The following CDH12 variants were observed in gnomAD, a reference collection of about 807,000 sequenced individuals.
CDH12 encodes the protein cadherin-12.
A neutral mutation model predicts 74.1 loss-of-function variants in CDH12; 41 were observed. The ratio of observed to expected loss-of-function variants is 0.55; its 90% confidence interval spans 0.43 to 0.72. The LOEUF is 0.72. Among genes scored for constraint, CDH12 ranks in the 30% least tolerant of loss-of-function variants. The pLI is 0.00. For synonymous variants in CDH12, 399 were observed against 355.0 expected (o/e 1.12, Z -1.39); for missense variants, 945 against 977.2 (o/e 0.97, Z 0.44).
intron 2 of CDH12, among the ~76,000 whole-genome samples, chr5:22,478,707 C>T (rs945390405): frequency 1.1e-4 from 16 of 151,576 alleles, no homozygotes; most frequent in African/African-American, 3.9e-4. Flanking sequence ...GAAAAAAGCC[C>T]CATCATTTGT....
At chr5:22,208,410 G>A (rs977424586) in intron 4 of CDH12, among the ~76,000 whole-genome samples, 1 of 152,022 alleles carries the variant, frequency 6.6e-6, no homozygotes, top group Non-Finnish European at 1.5e-5. Context: ...TAGCTATTAG[G>A]GTAATTTAGA....
intron 4 of CDH12, among the ~76,000 whole-genome samples, chr5:22,128,844 C>A (rs984096735): frequency 6.6e-6 from 1 of 152,156 alleles, no homozygotes; most frequent in Non-Finnish European, 1.5e-5. Context: ...TCTAATAAGA[C>A]AGAATATGCA....
intron 1 of CDH12, among the ~76,000 whole-genome samples, chr5:22,842,721 A>C (rs1175173118): frequency 1.3e-5 from 2 of 152,174 alleles, no homozygotes; most frequent in African/African-American, 4.8e-5. Context: ...TCAGTTAATA[A>C]TGAAAGTATT....
At chr5:22,397,135 T>C (rs2126436076) in intron 3 of CDH12, among the ~76,000 whole-genome samples, 1 of 152,226 alleles carries the variant, frequency 6.6e-6, no homozygotes, top group Middle Eastern at 3.4e-3. Context: ...GAGGCTGTTA[T>C]TAAGATGTAG....
chr5:22,283,205 G>GATATATATATATAT (rs1229134274), intron 3 of CDH12, among the ~76,000 whole-genome samples: 1 of 107,984 alleles, frequency 9.3e-6, no homozygotes, highest in African/African-American at 3.6e-5. Context: ...ACATCTGTGA[G>GATATATATATATAT]ATATATATAT....
chr5:22,099,363 T>C (rs1743999026), intron 4 of CDH12, among the ~76,000 whole-genome samples: 1 of 152,166 alleles, frequency 6.6e-6, no homozygotes, highest in Non-Finnish European at 1.5e-5. Context: ...GGACTAATGA[T>C]CTTTTAAAAA....
Position 22,059,336 on chromosome 5 carries a change from CATCTATCTATCTATCT to C in CDH12, c.231+19094_231+19109del, listed in dbSNP as rs58259827. ...ATCTATCCATCTATCGTCTATCTATCATCTATCTATCTATCTATCTATCTATCTATCTATCTATCTA... is the reference window on the plus strand; with the variant it reads ...ATCTATCCATCTATCGTCTATCTATCATCTATCTATCTATCTATCTATCTA... On this transcript the variant is annotated intron_variant, in intron 5 of 14. Transcript: ENST00000382254. 3.3e-3 allele frequency among the ~76,000 whole-genome samples: 469 copies of C among 144,142 alleles called. 9 individuals carry two copies. Among genetic ancestry groups the C allele is most frequent in the Admixed American group, 0.017 (246 of 14,184 alleles). 94.6% of individuals were successfully genotyped at this position (144,142 alleles called of 152,430 possible). A position where few individuals can be genotyped will look rare whatever the true frequency, so the allele number is the denominator to read the frequency against.
intron 3 of CDH12, among the ~76,000 whole-genome samples, chr5:22,262,445 A>G (rs1753554882): frequency 6.6e-6 from 1 of 151,884 alleles, no homozygotes; most frequent in African/African-American, 2.4e-5. Flanking sequence ...AAAGGACGTG[A>G]ACTCATTTTT....
intron 4 of CDH12, among the ~76,000 whole-genome samples, chr5:22,198,174 A>T (rs532727532): frequency 6.6e-6 from 1 of 152,326 alleles, no homozygotes; most frequent in Admixed American, 6.5e-5. Flanking sequence ...TGTAATTACC[A>T]TCTGTGTCAG....
intron 1 of CDH12, among the ~76,000 whole-genome samples, chr5:22,792,467 T>C (rs1747966646): frequency 6.6e-6 from 1 of 152,186 alleles, no homozygotes; most frequent in Non-Finnish European, 1.5e-5. Flanking sequence ...AAAACAGAAA[T>C]GTCTAACTTC....
intron 3 of CDH12, among the ~76,000 whole-genome samples, chr5:22,237,116 C>T (rs1015585491): frequency 2.0e-5 from 3 of 152,068 alleles, no homozygotes; most frequent in African/African-American, 7.3e-5. Flanking sequence ...GGACTGGCAT[C>T]ACAGTTAGTT....
chr5:21,946,194 T>C lies in CDH12; in HGVS notation c.526+28897A>G, dbSNP rs537873194. Among the ~76,000 whole-genome samples the C allele has an allele frequency of 1.1e-3, 174 of 152,118 alleles. 1 individual carries two copies. The highest frequency in any genetic ancestry group is 1.5e-4 in the Non-Finnish European group (10 of 67,996). ...ATATTCTTCAGGCATTAAAGTGACATAGAAAACATTGTCTAATGAAAGAAT... is the reference window on the plus strand; with the variant it reads ...ATATTCTTCAGGCATTAAAGTGACACAGAAAACATTGTCTAATGAAAGAAT... On this transcript the variant is annotated intron_variant, in intron 6 of 14. Transcript: ENST00000382254.
chr5:22,832,332 A>G (rs148015256), intron 1 of CDH12, among the ~76,000 whole-genome samples: 178 of 152,342 alleles, frequency 1.2e-3, no homozygotes, highest in Non-Finnish European at 2.3e-3. Context: ...ACGTTAGCCA[A>G]TATATCTGTA....
intron 4 of CDH12, among the ~76,000 whole-genome samples, chr5:22,200,471 G>A (rs1441868165): frequency 6.6e-6 from 1 of 152,138 alleles, no homozygotes; most frequent in Non-Finnish European, 1.5e-5. Flanking sequence ...ACATAGAAAA[G>A]AGCTGATTGA....
At chr5:21,831,711 CG>C (rs1443771068) in intron 8 of CDH12, among the ~76,000 whole-genome samples, 3 of 151,356 alleles carry the variant, frequency 2.0e-5, no homozygotes, top group African/African-American at 7.3e-5. Flanking sequence ...CCCTGATTCT[CG>C]GGGGATTGTC....
intron 5 of CDH12, among the ~76,000 whole-genome samples, chr5:21,985,349 A>G (rs1206077743): frequency 6.6e-6 from 1 of 152,050 alleles, no homozygotes; most frequent in Non-Finnish European, 1.5e-5. Flanking sequence ...CCTACTTAAT[A>G]CGGACATCTT....
Position 21,925,373 on chromosome 5 carries a change from T to A in CDH12, c.526+49718A>T, listed in dbSNP as rs538872588. Among the ~76,000 whole-genome samples, 13 of 152,326 alleles carry A rather than the reference T, an allele frequency of 8.5e-5. No homozygotes were observed. The East Asian group carries it at 2.1e-3, about 25-fold the overall frequency. ...TTAAGTCAATGAATAGAAAATGAGA[T>A]AAACCTCTAATTATAACTGACACAA... On this transcript the variant is annotated intron_variant, in intron 6 of 14. Coordinates refer to ENST00000382254, the MANE Select transcript of CDH12 (RefSeq NM_004061.5).
At chr5:21,927,885 C>T (rs531355781) in intron 6 of CDH12, among the ~76,000 whole-genome samples, 30 of 151,604 alleles carry the variant, frequency 2.0e-4, no homozygotes, top group Non-Finnish European at 4.0e-4. Context: ...CTGGCTAACA[C>T]GGTGAAACCC....
intron 1 of CDH12, among the ~76,000 whole-genome samples, chr5:22,593,844 T>G (rs78902417): frequency 6.6e-6 from 1 of 152,240 alleles, no homozygotes; most frequent in Non-Finnish European, 1.5e-5. Flanking sequence ...GGGTTCTTAC[T>G]CTTTGTTCTC....
Sources: gnomAD v4.1 joint callset for allele counts (sites outside exome capture counted in the v4.1 genomes callset) on GRCh38, gnomAD v4.1.1 for gene constraint, MANE v1.5 for transcripts, NCBI Gene and HGNC (gene_info 2026-07-23, HGNC 2026-07-21) for gene names.